GPC6: variants seen among roughly 807,000 people sequenced by gnomAD.
GPC6 encodes the protein glypican-6.
Under a neutral mutation model 55.2 loss-of-function variants are expected in GPC6, and 14 were observed. The ratio of observed to expected loss-of-function variants is 0.25; its 90% CI spans 0.17 to 0.40. The LOEUF (loss-of-function observed/expected upper bound fraction) is 0.40, where lower values mean the gene tolerates loss of function less well. GPC6 is among the 10% of genes least tolerant of loss of function. GPC6 has a pLI of 1.00. For missense variants in GPC6, 641 were observed against 708.5 expected (o/e 0.90, Z 1.08); for synonymous variants, 278 against 259.6 (o/e 1.07, Z -0.68).
At chr13:93,431,042 A>T (rs921071597) in intron 1 of GPC6, among the ~76,000 whole-genome samples, 1 of 152,092 alleles carries the variant, frequency 6.6e-6, no homozygotes, top group Non-Finnish European at 1.5e-5. Context: ...AATATTATTT[A>T]TTTTGTTTTT....
intron 2 of GPC6, among the ~76,000 whole-genome samples, chr13:93,821,478 A>G (rs1352599235): frequency 6.6e-6 from 1 of 152,186 alleles, no homozygotes; most frequent in East Asian, 1.9e-4. Flanking sequence ...GAACCTCTCC[A>G]GGGGCCTGGG....
intron 3 of GPC6, among the ~76,000 whole-genome samples, chr13:93,874,992 A>T (rs528908023): frequency 6.6e-6 from 1 of 152,134 alleles, no homozygotes; most frequent in African/African-American, 2.4e-5. Flanking sequence ...TTGCCACTGC[A>T]TCTCTTGCAT....
chr13:93,672,233 A>G (rs9524164), intron 2 of GPC6, among the ~76,000 whole-genome samples: 34,732 of 146,938 alleles, frequency 0.24, 4,888 homozygotes, highest in East Asian at 0.47. Flanking sequence ...GTGTGTGTGT[A>G]TATATGTATA....
intron 2 of GPC6, among the ~76,000 whole-genome samples, chr13:93,829,337 A>G (rs771005307): frequency 2.0e-5 from 3 of 152,160 alleles, no homozygotes; most frequent in East Asian, 1.9e-4. Flanking sequence ...ATGATACCCA[A>G]TGGCTTTAAT....
chr13:94,374,377 A>G (rs1385679241), intron 6 of GPC6, among the ~76,000 whole-genome samples: 3 of 151,022 alleles, frequency 2.0e-5, no homozygotes, highest in Non-Finnish European at 4.4e-5. Flanking sequence ...AAGATCTACC[A>G]AGCAAATGGA....
intron 1 of GPC6, among the ~76,000 whole-genome samples, chr13:93,357,329 G>A (rs1455705463): frequency 6.6e-6 from 1 of 151,870 alleles, no homozygotes; most frequent in Non-Finnish European, 1.5e-5. Context: ...TGTACCTTTT[G>A]GTTTTATATT....
chr13:93,913,234 T>C (rs1417045709), intron 3 of GPC6, among the ~76,000 whole-genome samples: 1 of 152,238 alleles, frequency 6.6e-6, no homozygotes, highest in African/African-American at 2.4e-5. Flanking sequence ...GTATGTCTGC[T>C]GTATGTCTCT....
intron 4 of GPC6, among the ~76,000 whole-genome samples, chr13:94,224,675 T>C (rs919691916): frequency 6.6e-6 from 1 of 152,056 alleles, no homozygotes; most frequent in Non-Finnish European, 1.5e-5. Context: ...GGACTCTCTG[T>C]TGAAGGTTTT....
In GPC6 at chr13:93,587,576, A is replaced by C. The variant is rs905700894; in HGVS notation, c.319+42155A>C. On this transcript the variant is annotated intron_variant, in intron 2 of 8. Coordinates refer to ENST00000377047, the MANE Select transcript of GPC6 (RefSeq NM_005708.5). ...GTCACAGACCTGTCCTGCACAGAGG[A>C]GGCACCTTCCCCTTGCTCTCTGACC... Among the ~76,000 whole-genome samples, 5 of 152,102 alleles carry C rather than the reference A, an allele frequency of 3.3e-5. No homozygotes were observed. The South Asian group carries it at 1.0e-3, about 31-fold the overall frequency.
At chr13:93,999,305 T>C (rs573824796) in intron 3 of GPC6, among the ~76,000 whole-genome samples, 6 of 152,288 alleles carry the variant, frequency 3.9e-5, no homozygotes, top group African/African-American at 1.4e-4. Context: ...CTTATGATAG[T>C]TTGCTGAGAA....
At chr13:93,757,261 A>C (rs1402947424) in intron 2 of GPC6, among the ~76,000 whole-genome samples, 1 of 152,152 alleles carries the variant, frequency 6.6e-6, no homozygotes. Context: ...AGAGTTCCAG[A>C]GTCTGTGAAT....
At position 94,407,362 on chromosome 13, in the gene GPC6, T is replaced by C. The variant is rs1415239569; in HGVS notation, c.*4145T>C. 1 of 152,140 alleles carries C rather than the reference T, an allele frequency of 6.6e-6. No individual in the cohort carries two copies. Among genetic ancestry groups the C allele is most frequent in the East Asian group, 1.9e-4 (1 of 5,202 alleles). The allele number at this position is 152,140 out of a possible 1,614,324, so 9.4% of individuals were successfully genotyped here. Reference sequence around the variant, plus strand: ...TTTCATTTCTGATTTGGATAGAAAATTGCTATTAATCTTGTATTAAAATAG... The same window carrying C: ...TTTCATTTCTGATTTGGATAGAAAACTGCTATTAATCTTGTATTAAAATAG... On this transcript the variant is annotated 3_prime_UTR_variant, in exon 9 of 9. Transcript: ENST00000377047.
At chr13:93,673,987 A>C (rs1319093042) in intron 2 of GPC6, among the ~76,000 whole-genome samples, 11 of 152,040 alleles carry the variant, frequency 7.2e-5, no homozygotes. Flanking sequence ...CGCAGTGTTT[A>C]AGGAGGGAGG....
chr13:93,723,618 GT>G (rs1883528123), intron 2 of GPC6, among the ~76,000 whole-genome samples: 1 of 151,788 alleles, frequency 6.6e-6, no homozygotes, highest in East Asian at 1.9e-4. Context: ...CTGTCTTTTG[GT>G]GTCATTTGTT....
At chr13:93,983,814 A>T (rs993950288) in intron 3 of GPC6, among the ~76,000 whole-genome samples, 1 of 151,946 alleles carries the variant, frequency 6.6e-6, no homozygotes, top group South Asian at 2.1e-4. Context: ...ATCACTAACA[A>T]GGAAGATAGT....
intron 1 of GPC6, among the ~76,000 whole-genome samples, chr13:93,523,358 T>C (rs1173561107): frequency 6.9e-6 from 1 of 145,640 alleles, no homozygotes; most frequent in African/African-American, 2.6e-5. Flanking sequence ...TATAAACACA[T>C]GTATATATGT....
chr13:93,532,904 G>A (rs543965698), intron 1 of GPC6, among the ~76,000 whole-genome samples: 1 of 152,124 alleles, frequency 6.6e-6, no homozygotes, highest in African/African-American at 2.4e-5. Flanking sequence ...AGAACTACAA[G>A]AATTAGCATT....
chr13:94,149,912 CTG>C (rs1887680029), intron 4 of GPC6, among the ~76,000 whole-genome samples: 1 of 152,086 alleles, frequency 6.6e-6, no homozygotes, highest in Non-Finnish European at 1.5e-5. Context: ...ATCTCTGAGA[CTG>C]GAATGGTATC....
chr13:93,785,155 C>T (rs918249096), intron 2 of GPC6, among the ~76,000 whole-genome samples: 2 of 151,876 alleles, frequency 1.3e-5, no homozygotes, highest in Non-Finnish European at 2.9e-5. Flanking sequence ...GCTAAAATTA[C>T]GATTCTAGGT....
Sources: allele counts gnomAD v4.1 joint callset (sites outside exome capture counted in the v4.1 genomes callset), GRCh38; gene constraint gnomAD v4.1.1; transcripts MANE v1.5; gene names NCBI Gene and HGNC (gene_info 2026-07-23, HGNC 2026-07-21).